The following PKNOX2 variants were observed in gnomAD, a reference collection of about 807,000 sequenced individuals.
The protein encoded by PKNOX2 is PBX/knotted 1 homeobox 2.
PKNOX2 carries 14 observed loss-of-function variants against 53.1 expected under a neutral mutation model. The observed-to-expected ratio is 0.26, with a 90% confidence interval of 0.17 to 0.41. The LOEUF (loss-of-function observed/expected upper bound fraction) is 0.41, where lower values mean the gene tolerates loss of function less well. PKNOX2 is among the 10% of genes least tolerant of loss of function. The probability of loss-of-function intolerance (pLI) is 1.00; values close to 1 mark genes in which losing one functional copy is unlikely to be tolerated. For synonymous variants in PKNOX2, 257 were observed against 242.8 expected (o/e 1.06, Z -0.54); for missense variants, 496 against 602.8 (o/e 0.82, Z 1.85).
chr11:125,406,400 C>A (rs1955101791), intron 7 of PKNOX2, among the ~76,000 whole-genome samples: 4 of 152,318 alleles, frequency 2.6e-5, no homozygotes, highest in Admixed American at 2.6e-4. Context: ...CAGGTTTGCA[C>A]AACTCTGCCT....
intron 2 of PKNOX2, among the ~76,000 whole-genome samples, chr11:125,248,066 C>T (rs1170882803): frequency 6.6e-6 from 1 of 152,184 alleles, no homozygotes; most frequent in East Asian, 1.9e-4. Context: ...AGTCCTCGGT[C>T]CATGGCTGAT....
intron 9 of PKNOX2, 197 bp from the exon 10 acceptor site, chr11:125,411,549 T>C: frequency 2.1e-6 from 1 of 484,368 alleles, no homozygotes; most frequent in Admixed American, 2.6e-5. Context: ...CCTTCTTCCC[T>C]TCTCCCATCA....
At chr11:125,392,990 C>G (rs752415220) in intron 6 of PKNOX2, among the ~76,000 whole-genome samples, 1 of 151,404 alleles carries the variant, frequency 6.6e-6, no homozygotes, top group Non-Finnish European at 1.5e-5. Context: ...AACCCTGTCT[C>G]TACTAAAAAT....
At chr11:125,414,760 G>T (rs1404428001) in intron 10 of PKNOX2, among the ~76,000 whole-genome samples, 1 of 145,182 alleles carries the variant, frequency 6.9e-6, no homozygotes, top group Non-Finnish European at 1.5e-5. Flanking sequence ...AAAAAAAAAA[G>T]AAGCTAATAC....
chr11:125,411,040 A>C (rs1474843403), intron 9 of PKNOX2, 164 bp downstream of exon 9: 5 of 622,078 alleles, frequency 8.0e-6, no homozygotes, highest in Non-Finnish European at 1.4e-5. Flanking sequence ...GGTCTTGGAA[A>C]GGTTTTATCA....
chr11:125,283,586 C>T (rs1488271414), intron 2 of PKNOX2, among the ~76,000 whole-genome samples: 1 of 152,224 alleles, frequency 6.6e-6, no homozygotes, highest in Non-Finnish European at 1.5e-5. Flanking sequence ...GCCAGGGCCA[C>T]AGCCTGTGTG....
intron 3 of PKNOX2, among the ~76,000 whole-genome samples, chr11:125,336,839 C>T (rs1160406084): frequency 6.9e-6 from 1 of 145,722 alleles, no homozygotes; most frequent in Non-Finnish European, 1.5e-5. Context: ...GTATAATATA[C>T]ATTATATAAT....
intron 1 of PKNOX2, among the ~76,000 whole-genome samples, chr11:125,192,587 A>G (rs932324674): frequency 6.6e-6 from 1 of 152,196 alleles, no homozygotes; most frequent in Non-Finnish European, 1.5e-5. Flanking sequence ...GATAACAACA[A>G]TGAAATAGTA....
At chr11:125,181,407 C>A (rs546372643) in intron 1 of PKNOX2, among the ~76,000 whole-genome samples, 4 of 152,208 alleles carry the variant, frequency 2.6e-5, no homozygotes, top group Non-Finnish European at 5.9e-5. Flanking sequence ...GAAGTGCTGC[C>A]TGAAGGAAGC....
chr11:125,193,638 C>T lies in PKNOX2; in HGVS notation c.-201+28862C>T, dbSNP rs566909968. On this transcript the variant is annotated intron_variant, in intron 1 of 12. Coordinates refer to ENST00000298282, the MANE Select transcript of PKNOX2 (RefSeq NM_001382323.2). ...CATGCGTGGGATAACCTGGACCCCA[C>T]CCTGCCTCAAACCCAGGGACAAAGT... 2.5e-3 allele frequency among the ~76,000 whole-genome samples: 378 copies of T among 152,306 alleles called. 3 individuals carry two copies. Among genetic ancestry groups the T allele is most frequent in the Middle Eastern group, 6.8e-3 (2 of 294 alleles).
At chr11:125,312,147 G>T (rs1380622599) in intron 2 of PKNOX2, among the ~76,000 whole-genome samples, 1 of 152,230 alleles carries the variant, frequency 6.6e-6, no homozygotes, top group Non-Finnish European at 1.5e-5. Flanking sequence ...AGGGGGAGTT[G>T]TGATGATTAA....
rs146051521 is a variant in PKNOX2 at position 125,395,207 on chromosome 11, A to G, written c.400-2667A>G. 4.0e-3 allele frequency among the ~76,000 whole-genome samples: 612 copies of G among 152,324 alleles called. 7 individuals are homozygous for G. Among genetic ancestry groups the G allele is most frequent in the African/African-American group, 0.014 (597 of 41,566 alleles). ...TGAGACTGGCTTTTGTCTCTCAGGA[A>G]AATTCCCTTGCAATCTATCCACATT... On this transcript the variant is annotated intron_variant, in intron 6 of 12. Coordinates refer to ENST00000298282, the MANE Select transcript of PKNOX2 (RefSeq NM_001382323.2).
At chr11:125,372,310 C>T (rs1197742868) in intron 5 of PKNOX2, among the ~76,000 whole-genome samples, 1 of 152,234 alleles carries the variant, frequency 6.6e-6, no homozygotes, top group East Asian at 1.9e-4. Context: ...AGACGTGAGG[C>T]TCTCGCTGCC....
intron 1 of PKNOX2, among the ~76,000 whole-genome samples, chr11:125,209,841 C>T (rs1415620459): frequency 1.3e-5 from 2 of 152,034 alleles, no homozygotes; most frequent in African/African-American, 2.4e-5. Flanking sequence ...CCCTTATACC[C>T]ACCCTGGTGT....
At chr11:125,407,739 T>C (rs1351757542) in intron 7 of PKNOX2, among the ~76,000 whole-genome samples, 1 of 131,726 alleles carries the variant, frequency 7.6e-6, no homozygotes, top group African/African-American at 2.7e-5. Context: ...CTACCCTGTC[T>C]CAAAAAACAA....
chr11:125,226,114 T>C (rs1303293704), intron 1 of PKNOX2, among the ~76,000 whole-genome samples: 1 of 152,214 alleles, frequency 6.6e-6, no homozygotes, highest in African/African-American at 2.4e-5. Context: ...AATATTAACT[T>C]TTCAAAGTAT....
chr11:125,190,974 T>G (rs1200413905), intron 1 of PKNOX2: 3 of 152,244 alleles, frequency 2.0e-5, no homozygotes, highest in Non-Finnish European at 2.9e-5. Flanking sequence ...TTCATATGCC[T>G]GTCTCCACAG....
chr11:125,280,278 C>T (rs973905925), intron 2 of PKNOX2, among the ~76,000 whole-genome samples: 1 of 152,114 alleles, frequency 6.6e-6, no homozygotes, highest in East Asian at 1.9e-4. Context: ...CTCGTGACAG[C>T]GTGAACCTGC....
chr11:125,218,493 A>G (rs1301664957), intron 1 of PKNOX2, among the ~76,000 whole-genome samples: 1 of 152,066 alleles, frequency 6.6e-6, no homozygotes, highest in Non-Finnish European at 1.5e-5. Context: ...CAGCAGAAAG[A>G]AGAAAAGGGA....
Sources: gnomAD v4.1 joint callset for allele counts (sites outside exome capture counted in the v4.1 genomes callset) on GRCh38, gnomAD v4.1.1 for gene constraint, MANE v1.5 for transcripts, NCBI Gene and HGNC (gene_info 2026-07-23, HGNC 2026-07-21) for gene names.